Variants in LPA observed in about 807,000 individuals in gnomAD.
The protein encoded by LPA is apolipoprotein(a).
LPA carries 199 observed loss-of-function variants against 197.9 expected under a neutral mutation model. That is an observed-to-expected ratio of 1.01 (90% CI 0.90 to 1.13). The LOEUF (loss-of-function observed/expected upper bound fraction) is 1.13. LPA is among the 50% of genes most tolerant of loss of function. The pLI, the probability that LPA is intolerant of heterozygous loss-of-function variation, is 0.00. For missense variants in LPA, 1,853 were observed against 1,785.8 expected, an observed-to-expected ratio of 1.04 and a Z score of -0.68; for synonymous variants, 715 against 639.5, an observed-to-expected ratio of 1.12 and a Z score of -1.78.
intron 33 of LPA, among the ~76,000 whole-genome samples, chr6:160,543,172 G>A (rs980385329): frequency 1.3e-5 from 2 of 152,174 alleles, no homozygotes; most frequent in African/African-American, 2.4e-5. Flanking sequence ...GCCAGCTTCA[G>A]GACAGTTCTT....
chr6:160,595,102 A>G (rs928038571), intron 21 of LPA, among the ~76,000 whole-genome samples: 9 of 152,156 alleles, frequency 5.9e-5, no homozygotes, highest in African/African-American at 2.2e-4. Flanking sequence ...TTGAATAACC[A>G]GGGGAGTGGT....
chr6:160,658,889 TATGA>T (rs1403996585), intron 1 of LPA, among the ~76,000 whole-genome samples: 20 of 125,784 alleles, frequency 1.6e-4, no homozygotes, highest in African/African-American at 5.4e-4. Context: ...TATATATATA[TATGA>T]GAGAGAGAGA....
rs539404131 is a variant in LPA, at chr6:160,548,080, C to T, written c.5156-143G>A. 1.1e-4 allele frequency: 88 copies of T among 768,608 alleles called. 1 individual carries two copies. Among genetic ancestry groups the T allele is most frequent in the South Asian group, 1.0e-3 (66 of 63,778 alleles). 47.6% of individuals were successfully genotyped at this position (768,608 alleles called of 1,614,324 possible). ...GGGCCACATCCCTCAGGAGCCACAACGCTGAAGACTGCAATGAACACTATT... is the reference window on the plus strand; with the variant it reads ...GGGCCACATCCCTCAGGAGCCACAATGCTGAAGACTGCAATGAACACTATT... On this transcript the variant is annotated intron_variant, in intron 31 of 38. Coordinates refer to ENST00000316300, the MANE Select transcript of LPA (RefSeq NM_005577.4).
intron 34 of LPA, 111 bp downstream of exon 34, chr6:160,542,577 C>T: frequency 6.7e-7 from 1 of 1,491,776 alleles, no homozygotes; most frequent in Non-Finnish European, 9.0e-7. Context: ...CTTCAGAAAA[C>T]AGAGAGGCAG....
chr6:160,592,469 CA>C (rs1184256082), intron 22 of LPA, among the ~76,000 whole-genome samples: 1 of 152,170 alleles, frequency 6.6e-6, no homozygotes, highest in Admixed American at 6.5e-5. Flanking sequence ...TCCTGAAACA[CA>C]GTTCTCAGAG....
intron 22 of LPA, among the ~76,000 whole-genome samples, chr6:160,592,941 C>T (rs1455192941): frequency 6.6e-6 from 1 of 152,140 alleles, no homozygotes; most frequent in Non-Finnish European, 1.5e-5. Context: ...CTCACTGTTC[C>T]CTTGCAGTTG....
chr6:160,584,337 T>C (rs1426370605), intron 26 of LPA, among the ~76,000 whole-genome samples: 6 of 145,508 alleles, frequency 4.1e-5, no homozygotes, highest in South Asian at 4.4e-4. Context: ...TCTTCTTCTT[T>C]TTTTTTTTTT....
intron 37 of LPA, among the ~76,000 whole-genome samples, chr6:160,534,215 C>T (rs761306874): frequency 1.2e-4 from 19 of 152,204 alleles, no homozygotes; most frequent in Non-Finnish European, 2.2e-4. Flanking sequence ...ACCTGGACTG[C>T]ACAGATGTGT....
intron 16 of LPA, among the ~76,000 whole-genome samples, chr6:160,607,630 C>A (rs148384419): frequency 2.0e-5 from 3 of 152,144 alleles, no homozygotes; most frequent in Non-Finnish European, 4.4e-5. Flanking sequence ...TCTATCCTCA[C>A]ATTCATGACC....
chr6:160,562,563 C>G (rs1400208644), intron 28 of LPA, among the ~76,000 whole-genome samples: 1 of 152,152 alleles, frequency 6.6e-6, no homozygotes, highest in Non-Finnish European at 1.5e-5. Flanking sequence ...GTTTTGGTAT[C>G]AGAATGATGC....
At chr6:160,604,951 A>T in intron 18 of LPA, 95 bp downstream of exon 18, 1 of 1,563,470 alleles carries the variant, frequency 6.4e-7, no homozygotes. Flanking sequence ...CATCTGAGAC[A>T]ACTTGAGTCC....
chr6:160,586,683 C>A lies in LPA; in HGVS notation c.3948-53G>T. The A allele has an allele frequency of 1.9e-6, 3 of 1,611,028 alleles. No individual in the cohort carries two copies. In the East Asian group the frequency reaches 6.7e-5, roughly 36 times the overall value. ...CCAGAGATTGGAGAAGATACAGCAC[C>A]ACCTGGCACCCTCTATGTTTTCTTG... On this transcript the variant is annotated intron_variant, in intron 24 of 38. Transcript: ENST00000316300.
chr6:160,634,981 A>C, intron 7 of LPA, 142 bp downstream of exon 7: 1 of 1,501,710 alleles, frequency 6.7e-7, no homozygotes. Flanking sequence ...CAGAGAGTAC[A>C]CGGAGGCTTC....
intron 18 of LPA, 70 bp downstream of exon 18, chr6:160,604,976 G>A: frequency 1.9e-6 from 3 of 1,601,434 alleles, no homozygotes; most frequent in Non-Finnish European, 2.6e-6. Context: ...CACTCAGCTT[G>A]AAGCATGACT....
chr6:160,543,512 C>A (rs940836320), intron 33 of LPA, among the ~76,000 whole-genome samples: 4 of 152,174 alleles, frequency 2.6e-5, no homozygotes, highest in African/African-American at 9.7e-5. Flanking sequence ...TTCTACACTC[C>A]AGTGAATCTG....
At chr6:160,647,020 A>G (rs368481489) in intron 2 of LPA, among the ~76,000 whole-genome samples, 2 of 152,196 alleles carry the variant, frequency 1.3e-5, no homozygotes, top group South Asian at 4.1e-4. Context: ...TCGGTCAAGT[A>G]GGTTTGTTTC....
At chr6:160,662,990 C>T (rs1318676213) in intron 1 of LPA, among the ~76,000 whole-genome samples, 3 of 152,212 alleles carry the variant, frequency 2.0e-5, no homozygotes, top group Non-Finnish European at 4.4e-5. Flanking sequence ...CAACACCCTG[C>T]TCACAAAGGC....
At chr6:160,586,171 G>C (rs927666277) in intron 25 of LPA, among the ~76,000 whole-genome samples, 6 of 152,112 alleles carry the variant, frequency 3.9e-5, no homozygotes, top group Admixed American at 6.6e-5. Context: ...ATCCATCTTG[G>C]CTAGGACACT....
Position 160,596,429 on chromosome 6 carries a change from G to T in LPA, c.3288-894C>A, listed in dbSNP as rs553161259. Reference sequence around the variant, plus strand: ...TTTCTTGTGTAGATATTTAAGCTGTGGTCTTAGATCAACAACTGTCAAAGT... The same window carrying T: ...TTTCTTGTGTAGATATTTAAGCTGTTGTCTTAGATCAACAACTGTCAAAGT... On this transcript the variant is annotated intron_variant, in intron 20 of 38. Coordinates refer to ENST00000316300, the MANE Select transcript of LPA (RefSeq NM_005577.4). Among the ~76,000 whole-genome samples the T allele has an allele frequency of 2.7e-5, 4 of 150,096 alleles. No individual in the cohort carries two copies. The South Asian group carries it at 8.4e-4, about 32-fold the overall frequency.
Sources: gnomAD v4.1 joint callset for allele counts (sites outside exome capture counted in the v4.1 genomes callset) on GRCh38, gnomAD v4.1.1 for gene constraint, MANE v1.5 for transcripts, NCBI Gene and HGNC (gene_info 2026-07-23, HGNC 2026-07-21) for gene names.